ERBB4: variants seen among roughly 807,000 people sequenced by gnomAD.
The protein encoded by ERBB4 is erb-b2 receptor tyrosine kinase 4, also known as receptor tyrosine-protein kinase erbB-4.
In ERBB4, 42 loss-of-function variants were observed where a neutral mutation model predicts 158.0. The ratio of observed to expected loss-of-function variants is 0.27; its 90% CI spans 0.21 to 0.34. The LOEUF (loss-of-function observed/expected upper bound fraction) is 0.34, where lower values mean the gene tolerates loss of function less well. Among genes scored for constraint, ERBB4 ranks in the 10% least tolerant of loss-of-function variants. The probability of loss-of-function intolerance (pLI) is 1.00; values close to 1 mark genes in which losing one functional copy is unlikely to be tolerated. For missense variants in ERBB4, 1,333 were observed against 1,624.1 expected (o/e 0.82, Z 3.08); for synonymous variants, 583 against 558.7 (o/e 1.04, Z -0.61).
rs1553627741 is a variant in ERBB4, at chr2:212,373,950, T to TATCCATGTATATATCCATATATATC, written c.82+164498_82+164499insGATATATATGGATATATACATGGAT. ...ATATCCATATATATCCATATATATATCATATATATATCCATATATATCCAT... is the reference window on the plus strand; with the variant it reads ...ATATCCATATATATCCATATATATATATCCATGTATATATCCATATATATCCATATATATATCCATATATATCCAT... On this transcript the variant is annotated intron_variant, in intron 1 of 27. Coordinates refer to ENST00000342788, the MANE Select transcript of ERBB4 (RefSeq NM_005235.3). Among the ~76,000 whole-genome samples, 7 of 64,584 alleles carry TATCCATGTATATATCCATATATATC rather than the reference T, an allele frequency of 1.1e-4. 2 individuals are homozygous for TATCCATGTATATATCCATATATATC. The highest frequency in any genetic ancestry group is 4.2e-4 in the African/African-American group (6 of 14,416). The allele number at this position is 64,584 out of a possible 152,430, so 42.4% of individuals were successfully genotyped here. A position where few individuals can be genotyped will look rare whatever the true frequency, so the allele number is the denominator to read the frequency against.
At chr2:211,478,062 A>G (rs1474560435) in intron 20 of ERBB4, among the ~76,000 whole-genome samples, 2 of 152,166 alleles carry the variant, frequency 1.3e-5, no homozygotes, top group Admixed American at 6.6e-5. Context: ...GCCAACAGGA[A>G]GCTAGATCTG....
At chr2:211,986,120 A>G (rs1371869185) in intron 2 of ERBB4, among the ~76,000 whole-genome samples, 1 of 152,216 alleles carries the variant, frequency 6.6e-6, no homozygotes, top group African/African-American at 2.4e-5. Flanking sequence ...TCTACAAGTC[A>G]AAGAAATCCC....
At position 211,413,715 on chromosome 2, in the gene ERBB4, G is replaced by A. The variant is rs2063319223; in HGVS notation, c.3135+6726C>T. 2.0e-5 allele frequency among the ~76,000 whole-genome samples: 3 copies of A among 151,904 alleles called. No individual in the cohort carries two copies. The East Asian group carries it at 5.8e-4, about 29-fold the overall frequency. On this transcript the variant is annotated intron_variant, in intron 25 of 27. Transcript: ENST00000342788. ...ATAAGGAAAAAAGTTATGCATAGAG[G>A]CGATGCAGGATTTTTTTTGCTCCTT...
intron 2 of ERBB4, among the ~76,000 whole-genome samples, chr2:212,026,876 C>T (rs1575534550): frequency 6.6e-6 from 1 of 151,428 alleles, no homozygotes; most frequent in Non-Finnish European, 1.5e-5. Flanking sequence ...CTAATTTTTC[C>T]AAGAGTGTAA....
chr2:211,485,578 T>C (rs1311889799), intron 20 of ERBB4, among the ~76,000 whole-genome samples: 2 of 152,104 alleles, frequency 1.3e-5, no homozygotes, highest in Admixed American at 1.3e-4. Context: ...TTGTGAAACT[T>C]AGCCAATTTT....
In ERBB4 at chr2:212,192,067, A is replaced by ATATGTTATATATATGT. The variant is rs2082283053; in HGVS notation, c.83-67165_83-67164insACATATATATAACATA. 4.5e-5 allele frequency among the ~76,000 whole-genome samples: 4 copies of ATATGTTATATATATGT among 89,064 alleles called. No homozygotes were observed. In the South Asian group the frequency reaches 9.0e-4, roughly 20 times the overall value. 58.4% of individuals were successfully genotyped at this position (89,064 alleles called of 152,430 possible). ...ATATATGTTATATGTTATATATGTT[A>ATATGTTATATATATGT]TATGTTATATATATTATATATATTA... is the stretch of plus-strand genomic sequence containing the variant. On this transcript the variant is annotated intron_variant, in intron 1 of 27. Coordinates refer to ENST00000342788, the MANE Select transcript of ERBB4 (RefSeq NM_005235.3).
intron 25 of ERBB4, among the ~76,000 whole-genome samples, chr2:211,408,041 G>A (rs1226573808): frequency 6.6e-6 from 1 of 152,184 alleles, no homozygotes; most frequent in Non-Finnish European, 1.5e-5. Flanking sequence ...AATCATCATA[G>A]CAGGCTGGCC....
intron 1 of ERBB4, among the ~76,000 whole-genome samples, chr2:212,493,104 C>T (rs988488453): frequency 6.6e-6 from 1 of 151,150 alleles, no homozygotes; most frequent in African/African-American, 2.4e-5. Flanking sequence ...CTAGGTGTAC[C>T]TATACTTATA....
At chr2:212,090,635 T>A (rs562338916) in intron 2 of ERBB4, among the ~76,000 whole-genome samples, 1 of 152,114 alleles carries the variant, frequency 6.6e-6, no homozygotes, top group Non-Finnish European at 1.5e-5. Flanking sequence ...ATGCATATTA[T>A]AATCATATTC....
intron 4 of ERBB4, among the ~76,000 whole-genome samples, chr2:211,784,737 T>C (rs1388641562): frequency 6.6e-6 from 1 of 152,228 alleles, no homozygotes; most frequent in Admixed American, 6.5e-5. Context: ...TCCAATTTCT[T>C]CACCTCCTCA....
chr2:212,536,430 C>G (rs1190628714), intron 1 of ERBB4, among the ~76,000 whole-genome samples: 1 of 152,098 alleles, frequency 6.6e-6, no homozygotes, highest in Non-Finnish European at 1.5e-5. Flanking sequence ...TTTGTGCGGC[C>G]CTTTCATCTG....
At chr2:212,461,054 G>T (rs1330015883) in intron 1 of ERBB4, among the ~76,000 whole-genome samples, 1 of 152,196 alleles carries the variant, frequency 6.6e-6, no homozygotes, top group Non-Finnish European at 1.5e-5. Context: ...TGTCGAGGTA[G>T]AAGTTTGCTG....
At chr2:211,449,133 C>T (rs2064181326) in intron 20 of ERBB4, among the ~76,000 whole-genome samples, 1 of 151,996 alleles carries the variant, frequency 6.6e-6, no homozygotes, top group South Asian at 2.1e-4. Context: ...TAAGATATTG[C>T]TGATAATGTT....
intron 2 of ERBB4, among the ~76,000 whole-genome samples, chr2:212,061,459 A>C (rs2077763483): frequency 6.8e-6 from 1 of 146,562 alleles, no homozygotes; most frequent in African/African-American, 2.5e-5. Flanking sequence ...TCTCCAAAAA[A>C]AAAAAAAAAA....
At chr2:211,392,762 G>A (rs920819653) in intron 25 of ERBB4, among the ~76,000 whole-genome samples, 4 of 151,892 alleles carry the variant, frequency 2.6e-5, no homozygotes, top group African/African-American at 7.3e-5. Flanking sequence ...TCTGCCTCCC[G>A]GGTTCAAGCA....
At chr2:212,411,441 C>A (rs2091496967) in intron 1 of ERBB4, among the ~76,000 whole-genome samples, 1 of 152,092 alleles carries the variant, frequency 6.6e-6, no homozygotes, top group African/African-American at 2.4e-5. Flanking sequence ...ATAATCAATA[C>A]ACGTAGATAA....
At chr2:212,414,623 T>C (rs2091598897) in intron 1 of ERBB4, among the ~76,000 whole-genome samples, 1 of 152,218 alleles carries the variant, frequency 6.6e-6, no homozygotes, top group African/African-American at 2.4e-5. Context: ...AAATTTCTAA[T>C]CCTAATAAAA....
chr2:212,127,516 C>T (rs575966517), intron 1 of ERBB4, among the ~76,000 whole-genome samples: 15 of 152,180 alleles, frequency 9.9e-5, no homozygotes, highest in South Asian at 4.2e-4. Flanking sequence ...GGCATGAACC[C>T]GGGAGGTGGA....
At chr2:211,595,921 CTG>C (rs1223907325) in intron 19 of ERBB4, among the ~76,000 whole-genome samples, 4 of 152,086 alleles carry the variant, frequency 2.6e-5, no homozygotes, top group Non-Finnish European at 4.4e-5. Context: ...AGAGGGATAA[CTG>C]TATGCAAAAC....
Sources: allele counts gnomAD v4.1 joint callset (sites outside exome capture counted in the v4.1 genomes callset), GRCh38; gene constraint gnomAD v4.1.1; transcripts MANE v1.5; gene names NCBI Gene and HGNC (gene_info 2026-07-23, HGNC 2026-07-21).